The following RYR2 variants were observed in gnomAD, a reference collection of about 807,000 sequenced individuals.
RYR2 encodes the protein ryanodine receptor 2.
A neutral mutation model predicts 601.1 loss-of-function variants in RYR2; 227 were observed. The ratio of observed to expected loss-of-function variants is 0.38; its 90% confidence interval spans 0.34 to 0.42. The LOEUF (loss-of-function observed/expected upper bound fraction) is 0.42, where lower values mean the gene tolerates loss of function less well. RYR2 is among the 10% of genes least tolerant of loss of function. The pLI is 1.00. For missense variants in RYR2, 4,646 were observed against 6,156.5 expected (o/e 0.75, Z 8.21); for synonymous variants, 2,223 against 2,175.1 (o/e 1.02, Z -0.61).
intron 1 of RYR2, among the ~76,000 whole-genome samples, chr1:237,176,575 T>A (rs1032161063): frequency 4.0e-5 from 6 of 150,832 alleles, no homozygotes; most frequent in African/African-American, 7.3e-5. Flanking sequence ...TTTATTTATT[T>A]ATTTTTTTAA....
intron 2 of RYR2, among the ~76,000 whole-genome samples, chr1:237,281,637 T>C (rs112464215): frequency 2.1e-3 from 317 of 152,364 alleles, no homozygotes; most frequent in African/African-American, 7.4e-3. Context: ...CCTTCTGCTC[T>C]GCTGCATCCC....
intron 3 of RYR2, chr1:237,341,664 G>A (rs1194157021): frequency 1.9e-6 from 1 of 515,846 alleles, no homozygotes; most frequent in Admixed American, 2.0e-5. Context: ...AATATTTGCT[G>A]ACTGGAGGGA....
chr1:237,636,613 G>C (rs1458653992), intron 44 of RYR2, among the ~76,000 whole-genome samples: 1 of 152,164 alleles, frequency 6.6e-6, no homozygotes, highest in Non-Finnish European at 1.5e-5. Context: ...AAGCAGTTTG[G>C]CAGTTCCTTA....
At position 237,614,515 on chromosome 1, in the gene RYR2, C is replaced by A. The variant is rs748119214; in HGVS notation, c.5387C>A (p.Thr1796Lys). 2 of 1,614,080 alleles carry A rather than the reference C, an allele frequency of 1.2e-6. No homozygotes were observed. The highest frequency in any genetic ancestry group is 2.2e-5 in the South Asian group (2 of 91,086). ...AAGTCCAAAACCATACAGATGCTGA[C>A]AGAAGCTGTTAAAGAGGGCAGTCTT... Reference protein sequence around the residue: ...ILKSKTIQMLTEAVKEGSLHA... With the variant: ...ILKSKTIQMLKEAVKEGSLHA... Residue 1796 changes from threonine (T) to lysine (K), a missense_variant, in exon 37 of 105, where the codon ACA becomes AAA. By Grantham distance (78) the Thr-to-Lys change is moderately conservative. Around this residue, in one of 17 missense-constraint regions of RYR2, gnomAD observed 1,807 missense variants for 2,088.1 expected, o/e 0.87. Coordinates refer to ENST00000366574, the MANE Select transcript of RYR2 (RefSeq NM_001035.3). This position sits in a 1 kb window ranked among gnomAD's most constrained non-coding sequence, Gnocchi z 4.3.
chr1:237,738,911 A>G (rs1291400445), intron 79 of RYR2, among the ~76,000 whole-genome samples: 2 of 152,216 alleles, frequency 1.3e-5, no homozygotes, highest in Non-Finnish European at 2.9e-5. Context: ...TACTGCATCA[A>G]TGGACATTCT....
chr1:237,638,942 T>C lies in RYR2; in HGVS notation c.6929-73T>C. On this transcript the variant is annotated intron_variant, in intron 45 of 104. Transcript: ENST00000366574. ...GTTATTCTTATACATAGGAAATGATTAGTATAACATTTATTTGTTCAGAAC... is the reference window on the plus strand; with the variant it reads ...GTTATTCTTATACATAGGAAATGATCAGTATAACATTTATTTGTTCAGAAC... The C allele has an allele frequency of 4.0e-6, 6 of 1,485,812 alleles. No homozygotes were observed. In the South Asian group the frequency reaches 7.2e-5, roughly 18 times the overall value. The allele number at this position is 1,485,812 out of a possible 1,614,324, so 92.0% of individuals were successfully genotyped here.
At chr1:237,467,483 T>C (rs1660211232) in intron 16 of RYR2, among the ~76,000 whole-genome samples, 1 of 152,136 alleles carries the variant, frequency 6.6e-6, no homozygotes, top group African/African-American at 2.4e-5. Flanking sequence ...TTGTCCCCTG[T>C]ACTCTGCAGT....
intron 35 of RYR2, among the ~76,000 whole-genome samples, chr1:237,607,624 A>G (rs1230761036): frequency 6.6e-6 from 1 of 152,246 alleles, no homozygotes; most frequent in Non-Finnish European, 1.5e-5. Flanking sequence ...GAATTTGTAG[A>G]TGAATGGAAT....
chr1:237,643,499 T>C (rs1322141528), intron 48 of RYR2, 52 bp downstream of exon 48: 3 of 1,610,294 alleles, frequency 1.9e-6, no homozygotes, highest in South Asian at 1.1e-5. Context: ...GATGACATCA[T>C]GTTCTAAAGA....
chr1:237,196,885 C>T (rs984771899), intron 1 of RYR2, among the ~76,000 whole-genome samples: 3 of 152,082 alleles, frequency 2.0e-5, no homozygotes, highest in Non-Finnish European at 4.4e-5. Flanking sequence ...AATATCGAGC[C>T]TTTCTATCCA....
Position 237,509,824 on chromosome 1 carries a change from T to C in RYR2, c.2719-1864T>C, listed in dbSNP as rs1269306262. ...CCAAGACTGAGGGATGTGTACAAGA[T>C]AGCTGGCAATCAGAAAGCATGACCG... On this transcript the variant is annotated intron_variant, in intron 23 of 104. Transcript: ENST00000366574. 2.6e-5 allele frequency among the ~76,000 whole-genome samples: 4 copies of C among 152,086 alleles called. No homozygotes were observed. In the East Asian group the frequency reaches 7.7e-4, roughly 29 times the overall value.
intron 2 of RYR2, among the ~76,000 whole-genome samples, chr1:237,315,190 T>G (rs1246047887): frequency 1.3e-5 from 2 of 152,176 alleles, no homozygotes; most frequent in African/African-American, 4.8e-5. Flanking sequence ...AAGCCATCCC[T>G]TAACTCCAAG....
At chr1:237,262,245 G>GTTGTTTTTTTT (rs1688599609) in intron 1 of RYR2, among the ~76,000 whole-genome samples, 1 of 61,106 alleles carries the variant, frequency 1.6e-5, no homozygotes, top group East Asian at 1.0e-3. Flanking sequence ...GTTCTAAAGA[G>GTTGTTTTTTTT]TTTTTTTTTT....
At chr1:237,683,323 T>C (rs1423793449) in intron 62 of RYR2, among the ~76,000 whole-genome samples, 1 of 152,224 alleles carries the variant, frequency 6.6e-6, no homozygotes, top group East Asian at 1.9e-4. Flanking sequence ...GAAATTATTA[T>C]ATACTGAGCA....
At chr1:237,274,365 A>G (rs564811619) in intron 2 of RYR2, among the ~76,000 whole-genome samples, 3 of 151,476 alleles carry the variant, frequency 2.0e-5, no homozygotes, top group South Asian at 2.1e-4. Context: ...TAGGCCTACA[A>G]TGATGTGAAT....
At position 237,585,522 on chromosome 1, in the gene RYR2, C is replaced by T. The variant is rs139815474; in HGVS notation, c.3599-4271C>T. Among the ~76,000 whole-genome samples, 4 of 152,254 alleles carry T rather than the reference C, an allele frequency of 2.6e-5. No individual in the cohort carries two copies. In the East Asian group the frequency reaches 5.8e-4, roughly 22 times the overall value. On this transcript the variant is annotated intron_variant, in intron 29 of 104. Coordinates refer to ENST00000366574, the MANE Select transcript of RYR2 (RefSeq NM_001035.3). ...GCCCTTTCTCTGTGTGGCAGCTGAA[C>T]AGTACCTGTAGTTTTTCTCCACTCT...
At chr1:237,405,928 A>T (rs147551819) in intron 10 of RYR2, among the ~76,000 whole-genome samples, 1,517 of 113,328 alleles carry the variant, frequency 0.013, 29 homozygotes, top group Non-Finnish European at 0.021. Context: ...TCTTCATCCC[A>T]CCATCAACCA....
intron 25 of RYR2, 39 bp downstream of exon 25, chr1:237,530,549 A>G (rs370955187): frequency 9.5e-5 from 137 of 1,438,412 alleles, no homozygotes; most frequent in Non-Finnish European, 1.3e-4. Context: ...TAATCTGTGT[A>G]GAGATTTAGT....
At chr1:237,771,409 T>C (rs1694263554) in intron 85 of RYR2, among the ~76,000 whole-genome samples, 1 of 119,534 alleles carries the variant, frequency 8.4e-6, no homozygotes, top group Non-Finnish European at 1.7e-5. Flanking sequence ...AGATCCTGTC[T>C]CTCAATAAAA....
Sources: allele counts gnomAD v4.1 joint callset (sites outside exome capture counted in the v4.1 genomes callset), GRCh38; gene constraint gnomAD v4.1.1; regional missense constraint gnomAD v4.1.1; non-coding constraint Gnocchi (gnomAD v3.1); transcripts MANE v1.5; gene names NCBI Gene and HGNC (gene_info 2026-07-23, HGNC 2026-07-21).